Variants in REDIC1 observed in about 807,000 individuals in gnomAD.
REDIC1 encodes HEI10 Interacting Protein 1.
chr12:39,902,038 T>C, the REDIC1 span, among the ~76,000 whole-genome samples: 2 of 152,030 alleles, frequency 1.3e-5, no homozygotes, highest in Non-Finnish European at 2.9e-5. Context: ...TCATGTCCTT[T>C]GTAGGGACAT....
chr12:39,823,178 G>A, the REDIC1 span, among the ~76,000 whole-genome samples: 1 of 152,106 alleles, frequency 6.6e-6, no homozygotes, highest in Admixed American at 6.5e-5. Flanking sequence ...ACATAAAAAA[G>A]TATAATTTTA....
the REDIC1 span, among the ~76,000 whole-genome samples, chr12:39,735,793 G>T: frequency 6.6e-6 from 1 of 152,184 alleles, no homozygotes; most frequent in African/African-American, 2.4e-5. Flanking sequence ...AAACAATAGG[G>T]CTTTTAAGAA....
chr12:39,641,684 A>C, the REDIC1 span, among the ~76,000 whole-genome samples: 1 of 151,814 alleles, frequency 6.6e-6, no homozygotes, highest in Non-Finnish European at 1.5e-5. Context: ...GCAAAAGAAG[A>C]AACTCACAGA....
At chr12:39,840,150 G>A in the REDIC1 span, among the ~76,000 whole-genome samples, 2 of 151,996 alleles carry the variant, frequency 1.3e-5, no homozygotes, top group African/African-American at 4.8e-5. Context: ...TCCTGCCTCA[G>A]CTTCCTGAGT....
chr12:39,850,412 T>C, the REDIC1 span, among the ~76,000 whole-genome samples: 20 of 152,174 alleles, frequency 1.3e-4, no homozygotes, highest in African/African-American at 4.6e-4. Context: ...CATTGTTAGT[T>C]TGCATAAGAA....
the REDIC1 span, among the ~76,000 whole-genome samples, chr12:39,731,059 T>G: frequency 6.6e-6 from 1 of 152,212 alleles, no homozygotes; most frequent in Admixed American, 6.5e-5. Flanking sequence ...TCCTCTAACC[T>G]TTTTTCAAGG....
At chr12:39,652,517 A>C in the REDIC1 span, among the ~76,000 whole-genome samples, 7 of 152,242 alleles carry the variant, frequency 4.6e-5, no homozygotes, top group East Asian at 1.2e-3. Flanking sequence ...CATATTAGCC[A>C]TGTGTGACTC....
At chr12:39,649,899 T>C in the REDIC1 span, among the ~76,000 whole-genome samples, 5 of 151,944 alleles carry the variant, frequency 3.3e-5, no homozygotes. Context: ...CAAATTATTG[T>C]TTTCTGTCAG....
the REDIC1 span, among the ~76,000 whole-genome samples, chr12:39,743,703 T>C: frequency 6.6e-6 from 1 of 152,142 alleles, no homozygotes. Context: ...CCTTTGACAA[T>C]GGGCTCATTA....
the REDIC1 span, among the ~76,000 whole-genome samples, chr12:39,753,434 G>A: frequency 2.7e-5 from 4 of 149,738 alleles, no homozygotes; most frequent in African/African-American, 7.7e-5. Flanking sequence ...CAGAAATTGT[G>A]TATTAAATCC....
At chr12:39,727,344 G>T in the REDIC1 span, among the ~76,000 whole-genome samples, 1 of 152,016 alleles carries the variant, frequency 6.6e-6, no homozygotes, top group Non-Finnish European at 1.5e-5. Context: ...GTAAGGAAGG[G>T]GTCCAGTTTC....
At chr12:39,691,915 A>G in the REDIC1 span, 1 of 765,176 alleles carries the variant, frequency 1.3e-6, no homozygotes, top group African/African-American at 1.8e-5. Context: ...TTGTGGTTTA[A>G]AAATAAACCA....
chr12:39,726,972 G>A, the REDIC1 span, among the ~76,000 whole-genome samples: 1 of 152,198 alleles, frequency 6.6e-6, no homozygotes. Context: ...CTTTTGAGAA[G>A]TGTCTGTTCA....
the REDIC1 span, among the ~76,000 whole-genome samples, chr12:39,810,128 G>A: frequency 6.6e-6 from 1 of 152,138 alleles, no homozygotes; most frequent in Non-Finnish European, 1.5e-5. Context: ...CACCAACAAT[G>A]TAAAAGTGAA....
chr12:39,786,141 G>C, the REDIC1 span, among the ~76,000 whole-genome samples: 1 of 152,078 alleles, frequency 6.6e-6, no homozygotes. Context: ...GATGTGCTTT[G>C]GCTTTGTCCC....
At chr12:39,894,898 G>T in the REDIC1 span, among the ~76,000 whole-genome samples, 1 of 152,140 alleles carries the variant, frequency 6.6e-6, no homozygotes, top group Non-Finnish European at 1.5e-5. Context: ...TGAAACCATC[G>T]GATGCTTACA....
chr12:39,853,936 T>G, the REDIC1 span, among the ~76,000 whole-genome samples: 1 of 152,146 alleles, frequency 6.6e-6, no homozygotes, highest in Non-Finnish European at 1.5e-5. Flanking sequence ...TTTTCATCAT[T>G]TGGTACTTGA....
the REDIC1 span, among the ~76,000 whole-genome samples, chr12:39,895,538 A>G: frequency 7.4e-6 from 1 of 135,010 alleles, no homozygotes; most frequent in African/African-American, 2.7e-5. Flanking sequence ...ATATATATAT[A>G]TATATATATA....
At chr12:39,885,125 G>T in the REDIC1 span, among the ~76,000 whole-genome samples, 3 of 152,200 alleles carry the variant, frequency 2.0e-5, no homozygotes, top group African/African-American at 7.2e-5. Context: ...AAATGGAAAA[G>T]GAGCTCTGTG....
Sources: allele counts gnomAD v4.1 joint callset (sites outside exome capture counted in the v4.1 genomes callset), GRCh38; gene constraint gnomAD v4.1.1; transcripts MANE v1.5; gene names NCBI Gene and HGNC (gene_info 2026-07-23, HGNC 2026-07-21).